The following HEATR1 variants were observed in gnomAD, a reference collection of about 807,000 sequenced individuals.
HEATR1 encodes the protein HEAT repeat-containing protein 1.
HEATR1 carries 77 observed loss-of-function variants against 248.2 expected under a neutral mutation model. The ratio of observed to expected loss-of-function variants is 0.31; its 90% CI spans 0.26 to 0.37. The LOEUF is 0.37. HEATR1 is among the 10% of genes least tolerant of loss of function. The pLI is 1.00. For synonymous variants in HEATR1, 897 were observed against 923.1 expected (o/e 0.97, Z 0.51); for missense variants, 2,420 against 2,504.9 (o/e 0.97, Z 0.72).
intron 33 of HEATR1, among the ~76,000 whole-genome samples, chr1:236,560,040 G>A (rs1369638349): frequency 6.8e-6 from 1 of 146,338 alleles, no homozygotes; most frequent in South Asian, 2.1e-4. Flanking sequence ...AGGCGCTTCT[G>A]TGCAGAAGCA....
At chr1:236,575,577 C>T (rs1663544149) in intron 22 of HEATR1, among the ~76,000 whole-genome samples, 1 of 152,120 alleles carries the variant, frequency 6.6e-6, no homozygotes, top group Non-Finnish European at 1.5e-5. Context: ...TGAATGCAAC[C>T]TGTTTGTTCC....
intron 20 of HEATR1, among the ~76,000 whole-genome samples, chr1:236,579,154 A>G (rs780498265): frequency 6.6e-6 from 1 of 152,232 alleles, no homozygotes; most frequent in African/African-American, 2.4e-5. Context: ...CCAATATGAC[A>G]CAAGTGGAAA....
At position 236,595,844 on chromosome 1, in the gene HEATR1, G is replaced by A. The variant is rs948631388; in HGVS notation, c.945C>T (p.Ser315=). The A allele has an allele frequency of 1.2e-6, 2 of 1,612,620 alleles. No homozygotes were observed. The highest frequency in any genetic ancestry group is 8.5e-7 in the Non-Finnish European group (1 of 1,178,912). ...IVLLQRQKPE[S]LGKKPFPHLC... Reference sequence around the variant, plus strand: ...TCAATTGTACATACTTTTTCCCAAGGCTCTCTGGCTTCTGTCTCTGCAGGA... The same window carrying A: ...TCAATTGTACATACTTTTTCCCAAGACTCTCTGGCTTCTGTCTCTGCAGGA... The change falls in exon 7 of 45, where the codon AGC becomes AGT. Residue 315 remains serine (S), a synonymous_variant. Transcript: ENST00000366582.
intron 12 of HEATR1, among the ~76,000 whole-genome samples, chr1:236,588,828 TAGTC>T (rs1429319239): frequency 3.3e-5 from 5 of 152,300 alleles, no homozygotes; most frequent in South Asian, 2.1e-4. Context: ...AAAATTAAGT[TAGTC>T]AGGCACAGTG....
intron 37 of HEATR1, among the ~76,000 whole-genome samples, chr1:236,556,793 T>TG (rs1272874874): frequency 6.6e-6 from 1 of 152,174 alleles, no homozygotes; most frequent in African/African-American, 2.4e-5. Flanking sequence ...AGGAAACCGC[T>TG]GACGTGCAAT....
intron 28 of HEATR1, among the ~76,000 whole-genome samples, chr1:236,569,859 G>T (rs193221341): frequency 6.6e-6 from 1 of 152,222 alleles, no homozygotes; most frequent in East Asian, 1.9e-4. Flanking sequence ...ATTTATAATA[G>T]CCCCACAGTT....
rs1402301513 is a variant in HEATR1 at position 236,574,601 on chromosome 1, G to T, written c.3327+60C>A. On this transcript the variant is annotated intron_variant, in intron 23 of 44. Transcript: ENST00000366582. ...TTTTTTTTTTAACGCTGTTCCTGTT[G>T]CCTTCTACCTTTAAATGCTTGAACA... is the stretch of plus-strand genomic sequence containing the variant. 1.1e-5 allele frequency: 16 copies of T among 1,509,138 alleles called. No homozygotes were observed. The Admixed American group carries it at 2.6e-4, about 24-fold the overall frequency. 93.5% of individuals were successfully genotyped at this position (1,509,138 alleles called of 1,614,324 possible).
In HEATR1 at chr1:236,604,130, A is replaced by C. The variant is rs768847817; in HGVS notation, c.-32-3T>G. 3 of 1,535,280 alleles carry C rather than the reference A, an allele frequency of 2.0e-6. No individual in the cohort carries two copies. The highest frequency in any genetic ancestry group is 1.7e-6 in the Non-Finnish European group (2 of 1,149,238). On this transcript the variant is annotated splice_polypyrimidine_tract_variant and splice_region_variant and intron_variant, in intron 1 of 44. Transcript: ENST00000366582. ...CAGCGGAGTTTTAATGACACGGGCT[A>C]AAAAAACGTAAGCACTTTGATAAGT...
chr1:236,579,175 T>C (rs1663642936), intron 20 of HEATR1, among the ~76,000 whole-genome samples: 1 of 152,206 alleles, frequency 6.6e-6, no homozygotes, highest in East Asian at 1.9e-4. Context: ...ATTCCACACC[T>C]GACCTCATGT....
chr1:236,568,943 C>T (rs1190038023), intron 29 of HEATR1, 53 bp downstream of exon 29: 1 of 1,249,624 alleles, frequency 8.0e-7, no homozygotes, highest in Non-Finnish European at 1.0e-6. Context: ...CATTTATATG[C>T]AAAATTTTTA....
At position 236,550,824 on chromosome 1, in the gene HEATR1, TG is replaced by T; in HGVS notation, c.*77del. The T allele has an allele frequency of 9.0e-7, 1 of 1,106,118 alleles. No homozygotes were observed. Among genetic ancestry groups the T allele is most frequent in the Non-Finnish European group, 1.3e-6 (1 of 759,094 alleles). 68.5% of individuals were successfully genotyped at this position (1,106,118 alleles called of 1,614,324 possible). A position where few individuals can be genotyped will look rare whatever the true frequency, so the allele number is the denominator to read the frequency against. The stretch of plus-strand genomic sequence containing the variant: ...GTGTATTAAGGCACCAAAAGTAACA[TG>T]GCACCCAACACCCAAAAATAAAAAT... On this transcript the variant is annotated 3_prime_UTR_variant, in exon 45 of 45. Coordinates refer to ENST00000366582, the MANE Select transcript of HEATR1 (RefSeq NM_018072.6).
At position 236,550,949 on chromosome 1, in the gene HEATR1, G is replaced by C; in HGVS notation, c.6388C>G (p.Gln2130Glu). ...TCTCCCAGGACAGTTTCCAGTTGCT[G>C]AATAGTCTTTTGGCACTGATGTTCT... ...EVEHQCQKTI[Q>E]QLETVLGEPL... Residue 2130 changes from glutamine to glutamate, a missense_variant, in exon 45 of 45, where the codon CAG becomes GAG. Physicochemically the swap from Gln to Glu is conservative, Grantham distance 29 (BLOSUM62 2). Coordinates refer to ENST00000366582, the MANE Select transcript of HEATR1 (RefSeq NM_018072.6). The C allele has an allele frequency of 1.9e-6, 3 of 1,586,344 alleles. No individual in the cohort carries two copies. The highest frequency in any genetic ancestry group is 2.6e-6 in the Non-Finnish European group (3 of 1,162,732).
In HEATR1 at chr1:236,604,129, T is replaced by TA. The variant is rs773761232; in HGVS notation, c.-32-3dup. ...CCAGCGGAGTTTTAATGACACGGGC[T>TA]AAAAAAACGTAAGCACTTTGATAAG... On this transcript the variant is annotated splice_polypyrimidine_tract_variant and splice_region_variant and intron_variant, in intron 1 of 44. Coordinates refer to ENST00000366582, the MANE Select transcript of HEATR1 (RefSeq NM_018072.6). The TA allele has an allele frequency of 5.2e-6, 8 of 1,535,492 alleles. No homozygotes were observed. The South Asian group carries it at 6.3e-5, about 12-fold the overall frequency.
chr1:236,586,003 A>T (rs932393757), intron 15 of HEATR1, 62 bp from the exon 16 acceptor site: 98 of 1,576,866 alleles, frequency 6.2e-5, no homozygotes, highest in Non-Finnish European at 8.4e-5. Context: ...AATCACATGA[A>T]GAATTCAGGC....
At position 236,558,327 on chromosome 1, in the gene HEATR1, T is replaced by G. The variant is rs1217920071; in HGVS notation, c.5114A>C (p.Lys1705Thr). 3 of 1,614,072 alleles carry G rather than the reference T, an allele frequency of 1.9e-6. No individual in the cohort carries two copies. Among genetic ancestry groups the G allele is most frequent in the Non-Finnish European group, 2.5e-6 (3 of 1,180,020 alleles). ...TAVKLIAPER[K>T]EEKNVLGSAL... The stretch of plus-strand genomic sequence containing the variant: ...GCTTCCCAGGACATTCTTCTCCTCC[T>G]TTCTCTCTGGAGCAATCAGTTTCAC... The change falls in exon 36 of 45, where the codon AAG (lysine) becomes ACG (threonine). Residue 1705 changes from lysine to threonine, a missense_variant. Coordinates refer to ENST00000366582, the MANE Select transcript of HEATR1 (RefSeq NM_018072.6).
chr1:236,586,913 G>GT (rs1663901610), intron 14 of HEATR1, among the ~76,000 whole-genome samples: 1 of 151,850 alleles, frequency 6.6e-6, no homozygotes. Context: ...ACAAAAACAC[G>GT]TAAGACACAC....
At chr1:236,571,772 T>C (rs1663434202) in intron 26 of HEATR1, 86 bp from the exon 27 acceptor site, 2 of 810,886 alleles carry the variant, frequency 2.5e-6, no homozygotes, top group Non-Finnish European at 3.9e-6. Context: ...CCAGAACTCA[T>C]TCAATAAGGA....
chr1:236,582,586 A>G, intron 19 of HEATR1, 150 bp downstream of exon 19: 1 of 728,358 alleles, frequency 1.4e-6, no homozygotes, highest in Non-Finnish European at 2.3e-6. Flanking sequence ...TATTTTTAGT[A>G]GAAATGGAGT....
At chr1:236,604,279 A>G (rs1009508477) in intron 1 of HEATR1, 143 bp downstream of exon 1, 1 of 547,608 alleles carries the variant, frequency 1.8e-6, no homozygotes, top group South Asian at 3.2e-5. Flanking sequence ...CGATGGCAGC[A>G]GCGTTAACAA....
Sources: allele counts gnomAD v4.1 joint callset (sites outside exome capture counted in the v4.1 genomes callset), GRCh38; gene constraint gnomAD v4.1.1; transcripts MANE v1.5; gene names NCBI Gene and HGNC (gene_info 2026-07-23, HGNC 2026-07-21).